LRRIQ3: variants seen among roughly 807,000 people sequenced by gnomAD.
LRRIQ3 encodes leucine rich repeats and IQ motif containing 3.
In LRRIQ3, 75 loss-of-function variants were observed where a neutral mutation model predicts 59.3. That is an observed-to-expected ratio of 1.26 (90% CI 1.05 to 1.53). The LOEUF is 1.53. LRRIQ3 is among the 40% of genes most tolerant of loss of function. The probability of loss-of-function intolerance (pLI) is 0.00; values close to 1 mark genes in which losing one functional copy is unlikely to be tolerated. For missense variants in LRRIQ3, 831 were observed against 710.0 expected (o/e 1.17, Z -1.94); for synonymous variants, 250 against 231.3 (o/e 1.08, Z -0.73).
At chr1:74,050,584 AAATGGTC>A in intron 6 of LRRIQ3, 1 of 985,370 alleles carries the variant, frequency 1.0e-6, no homozygotes, top group Non-Finnish European at 1.2e-6. Context: ...GTGAAGAAAC[AAATGGTC>A]CAAACCTATT....
intron 6 of LRRIQ3, among the ~76,000 whole-genome samples, chr1:74,074,095 A>G (rs555614033): frequency 6.6e-6 from 1 of 152,272 alleles, no homozygotes; most frequent in Non-Finnish European, 1.5e-5. Context: ...AGGAGGTACA[A>G]TGCTGACATA....
At chr1:74,113,637 A>G (rs1646734823) in intron 4 of LRRIQ3, among the ~76,000 whole-genome samples, 1 of 152,130 alleles carries the variant, frequency 6.6e-6, no homozygotes, top group African/African-American at 2.4e-5. Context: ...TTCTGAGAGA[A>G]GAAAAAGAAG....
At chr1:74,118,118 C>A (rs1278416710) in intron 4 of LRRIQ3, among the ~76,000 whole-genome samples, 3 of 151,860 alleles carry the variant, frequency 2.0e-5, no homozygotes, top group Non-Finnish European at 4.4e-5. Flanking sequence ...CATAACATAC[C>A]CTTTTTTGTA....
At chr1:74,078,369 A>G (rs1006196876) in intron 5 of LRRIQ3, among the ~76,000 whole-genome samples, 1 of 151,900 alleles carries the variant, frequency 6.6e-6, no homozygotes, top group Admixed American at 6.6e-5. Context: ...AGATAGTAAA[A>G]AAAACAAAAT....
chr1:74,033,436 G>A (rs967494157), intron 7 of LRRIQ3, among the ~76,000 whole-genome samples: 1 of 151,942 alleles, frequency 6.6e-6, no homozygotes, highest in African/African-American at 2.4e-5. Flanking sequence ...TATATTTGGA[G>A]GATATGTGTG....
At chr1:74,176,540 C>G (rs1409046318) in intron 3 of LRRIQ3, among the ~76,000 whole-genome samples, 4 of 152,130 alleles carry the variant, frequency 2.6e-5, no homozygotes, top group Admixed American at 2.6e-4. Flanking sequence ...TAATCAGGCA[C>G]CTTTTCAGTG....
intron 6 of LRRIQ3, among the ~76,000 whole-genome samples, chr1:74,049,425 A>G (rs1456244727): frequency 6.6e-6 from 1 of 152,188 alleles, no homozygotes; most frequent in Non-Finnish European, 1.5e-5. Flanking sequence ...CCCAGGTAAG[A>G]TTTTATGATA....
chr1:74,177,848 A>G (rs1286338788), intron 3 of LRRIQ3, among the ~76,000 whole-genome samples: 2 of 151,972 alleles, frequency 1.3e-5, no homozygotes, highest in Non-Finnish European at 2.9e-5. Flanking sequence ...TGCAAGCCCT[A>G]TGTGCTTATT....
rs570604066 is a variant in LRRIQ3 at position 74,085,471 on chromosome 1, A to G, written c.868-10681T>C. Among the ~76,000 whole-genome samples, 7 of 152,034 alleles carry G rather than the reference A, an allele frequency of 4.6e-5. No homozygotes were observed. The South Asian group carries it at 1.5e-3, about 32-fold the overall frequency. Reference sequence around the variant, plus strand: ...CATAAACAAACCTGAATAACATCAGAGAGAGACTAATTTCCCCTAATACTA... The same window carrying G: ...CATAAACAAACCTGAATAACATCAGGGAGAGACTAATTTCCCCTAATACTA... On this transcript the variant is annotated intron_variant, in intron 5 of 7. Coordinates refer to ENST00000354431, the MANE Select transcript of LRRIQ3 (RefSeq NM_001105659.2).
At position 74,026,617 on chromosome 1, in the gene LRRIQ3, T is replaced by A. The variant is rs1653523571; in HGVS notation, c.*196A>T. 2 of 455,144 alleles carry A rather than the reference T, an allele frequency of 4.4e-6. No homozygotes were observed. Among genetic ancestry groups the A allele is most frequent in the Middle Eastern group, 1.2e-3 (2 of 1,646 alleles). 28.2% of individuals were successfully genotyped at this position (455,144 alleles called of 1,614,324 possible). A position where few individuals can be genotyped will look rare whatever the true frequency, so the allele number is the denominator to read the frequency against. ...TCTGATCTAAGAAATTTTTCAGAGG[T>A]GCTAAGTCAACTTTAAGTTAAATTA... On this transcript the variant is annotated 3_prime_UTR_variant, in exon 8 of 8. Transcript: ENST00000354431.
chr1:74,174,345 C>A (rs1015035727), intron 3 of LRRIQ3, among the ~76,000 whole-genome samples: 15 of 151,554 alleles, frequency 9.9e-5, no homozygotes, highest in Admixed American at 9.9e-4. Context: ...TTCATTATAA[C>A]ACTGAACTCT....
chr1:74,082,450 T>G (rs777247280), intron 5 of LRRIQ3: 3 of 151,624 alleles, frequency 2.0e-5, no homozygotes, highest in Non-Finnish European at 4.4e-5. Flanking sequence ...TAAAATTTAA[T>G]GATGGGCAAT....
intron 4 of LRRIQ3, among the ~76,000 whole-genome samples, chr1:74,151,193 T>C (rs1254211658): frequency 1.3e-5 from 2 of 151,892 alleles, no homozygotes; most frequent in Non-Finnish European, 2.9e-5. Context: ...AATTTTTGTA[T>C]TTTTAGTAGA....
chr1:74,031,065 T>A (rs1218889393), intron 7 of LRRIQ3, among the ~76,000 whole-genome samples: 1 of 152,060 alleles, frequency 6.6e-6, no homozygotes, highest in Admixed American at 6.6e-5. Context: ...CAGTGAGATA[T>A]CATCTCACAC....
intron 5 of LRRIQ3, among the ~76,000 whole-genome samples, chr1:74,104,903 G>A (rs1013827528): frequency 1.3e-5 from 2 of 152,018 alleles, no homozygotes; most frequent in Non-Finnish European, 2.9e-5. Flanking sequence ...GTGGGGTATA[G>A]GGAAACTCTC....
intron 5 of LRRIQ3, among the ~76,000 whole-genome samples, chr1:74,099,201 C>G (rs950415669): frequency 2.0e-5 from 3 of 152,004 alleles, no homozygotes; most frequent in Non-Finnish European, 4.4e-5. Context: ...CAAATAGACA[C>G]AATAAAAAAT....
At chr1:74,048,771 A>T (rs527975234) in intron 6 of LRRIQ3, among the ~76,000 whole-genome samples, 1 of 152,290 alleles carries the variant, frequency 6.6e-6, no homozygotes, top group African/African-American at 2.4e-5. Context: ...TAAATATAGA[A>T]GTCCAATAAT....
intron 5 of LRRIQ3, among the ~76,000 whole-genome samples, chr1:74,103,257 A>T (rs939523217): frequency 6.6e-6 from 1 of 151,814 alleles, no homozygotes; most frequent in Non-Finnish European, 1.5e-5. Flanking sequence ...GCTCTTCCCC[A>T]TCCCCTACAA....
At chr1:74,135,075 A>AGG (rs763844708) in intron 4 of LRRIQ3, among the ~76,000 whole-genome samples, 12 of 151,964 alleles carry the variant, frequency 7.9e-5, no homozygotes, top group Non-Finnish European at 1.3e-4. Context: ...TACCACAATA[A>AGG]GAGTGACTAT....
Sources: allele counts gnomAD v4.1 joint callset (sites outside exome capture counted in the v4.1 genomes callset), GRCh38; gene constraint gnomAD v4.1.1; transcripts MANE v1.5; gene names NCBI Gene and HGNC (gene_info 2026-07-23, HGNC 2026-07-21).